The following CCDC77 variants were observed in gnomAD, a reference collection of about 807,000 sequenced individuals.
The protein encoded by CCDC77 is coiled-coil domain-containing protein 77.
A neutral mutation model predicts 66.8 loss-of-function variants in CCDC77; 56 were observed. The ratio of observed to expected loss-of-function variants is 0.84; its 90% CI spans 0.68 to 1.05. The LOEUF is 1.05. CCDC77 is among the 50% of genes least tolerant of loss of function. CCDC77 has a pLI of 0.00. For synonymous variants in CCDC77, 196 were observed against 195.2 expected (o/e 1.00, Z -0.03); for missense variants, 570 against 576.8 (o/e 0.99, Z 0.12).
At chr12:419,425 C>T (rs977491300) in intron 5 of CCDC77, among the ~76,000 whole-genome samples, 1 of 151,294 alleles carries the variant, frequency 6.6e-6, no homozygotes, top group African/African-American at 2.4e-5. Context: ...CATTACAGTG[C>T]TCTTCTGTGT....
chr12:423,508 T>TTG (rs1945473348), intron 5 of CCDC77, among the ~76,000 whole-genome samples: 1 of 115,444 alleles, frequency 8.7e-6, no homozygotes, highest in African/African-American at 3.5e-5. Flanking sequence ...TTTTTTTTTT[T>TTG]TTTTTGAGAC....
rs1267079140 is a variant in CCDC77, at chr12:430,598, A to G, written c.511-66A>G. 1.7e-5 allele frequency: 20 copies of G among 1,174,178 alleles called. No homozygotes were observed. In the East Asian group the frequency reaches 4.4e-4, roughly 26 times the overall value. 72.7% of individuals were successfully genotyped at this position (1,174,178 alleles called of 1,614,324 possible). A position where few individuals can be genotyped will look rare whatever the true frequency, so the allele number is the denominator to read the frequency against. ...CTTCTAGTGTTCAATCTGCAGAACT[A>G]AGGCTGAAAAGTAAAATATTACGTT... On this transcript the variant is annotated intron_variant, in intron 6 of 12. Coordinates refer to ENST00000239830, the MANE Select transcript of CCDC77 (RefSeq NM_032358.4).
chr12:426,452 T>G (rs1945534494), intron 5 of CCDC77, among the ~76,000 whole-genome samples: 1 of 152,204 alleles, frequency 6.6e-6, no homozygotes, highest in Non-Finnish European at 1.5e-5. Context: ...TGGGTCATAC[T>G]GAGGAATGAA....
intron 3 of CCDC77, chr12:409,704 A>T: frequency 3.1e-6 from 1 of 319,424 alleles, no homozygotes; most frequent in Non-Finnish European, 5.8e-6. Context: ...TTTAGAAAAT[A>T]TGAAATGTTG....
chr12:439,519 C>CAA (rs371144805), intron 10 of CCDC77, among the ~76,000 whole-genome samples: 12 of 138,094 alleles, frequency 8.7e-5, no homozygotes, highest in South Asian at 2.4e-4. Flanking sequence ...GACTCCATCT[C>CAA]AAAAAAAAAA....
chr12:407,054 C>A (rs374732716), intron 2 of CCDC77, among the ~76,000 whole-genome samples: 1 of 152,208 alleles, frequency 6.6e-6, no homozygotes, highest in Non-Finnish European at 1.5e-5. Flanking sequence ...TGCCTATAAT[C>A]CTATTACTTG....
intron 4 of CCDC77, among the ~76,000 whole-genome samples, chr12:414,648 A>G (rs1170324705): frequency 6.6e-6 from 1 of 151,820 alleles, no homozygotes; most frequent in Non-Finnish European, 1.5e-5. Flanking sequence ...TACTGCCACC[A>G]TTTCGCCTTC....
intron 9 of CCDC77, 76 bp downstream of exon 9, chr12:433,398 GAAC>G: frequency 6.4e-7 from 1 of 1,564,122 alleles, no homozygotes; most frequent in Non-Finnish European, 8.7e-7. Flanking sequence ...TTTTGTACTT[GAAC>G]AACAGCGGGT....
At position 430,711 on chromosome 12, in the gene CCDC77, G is replaced by A. The variant is rs1308875906; in HGVS notation, c.558G>A (p.Gln186=). The A allele has an allele frequency of 6.2e-7, 1 of 1,613,838 alleles. No homozygotes were observed. Among genetic ancestry groups the A allele is most frequent in the South Asian group, 1.1e-5 (1 of 91,078 alleles). Residue 186 remains glutamine, a synonymous_variant, in exon 7 of 13, where the codon CAG becomes CAA. Transcript: ENST00000239830. ...TCCAGGCTGTAGGTGAATGTGAGCAGAGTGAATCTTCAGCTTTCAAAGCAG... is the reference window on the plus strand; with the variant it reads ...TCCAGGCTGTAGGTGAATGTGAGCAAAGTGAATCTTCAGCTTTCAAAGCAG... ...KTIQAVGECE[Q]SESSAFKADP...
At chr12:437,171 C>G (rs973011761) in intron 9 of CCDC77, among the ~76,000 whole-genome samples, 1 of 152,158 alleles carries the variant, frequency 6.6e-6, no homozygotes, top group Non-Finnish European at 1.5e-5. Context: ...CCAGATCATT[C>G]AGTATAGCAT....
chr12:418,946 A>G, intron 5 of CCDC77: 2 of 266,960 alleles, frequency 7.5e-6, no homozygotes, highest in African/African-American at 2.2e-5. Context: ...TGATCCGCCC[A>G]CCTCAGCCTC....
Position 428,707 on chromosome 12 carries a change from A to G in CCDC77, c.414-62A>G, listed in dbSNP as rs1945584299. On this transcript the variant is annotated intron_variant, in intron 5 of 12. Transcript: ENST00000239830. ...AAAATAGAAGGGAGATCCTTTAAACAGAAAAAGGTTACTTACTTGGGACAT... is the reference window on the plus strand; with the variant it reads ...AAAATAGAAGGGAGATCCTTTAAACGGAAAAAGGTTACTTACTTGGGACAT... 19 of 1,129,782 alleles carry G rather than the reference A, an allele frequency of 1.7e-5. No individual in the cohort carries two copies. In the South Asian group the frequency reaches 2.6e-4, roughly 16 times the overall value. The allele number at this position is 1,129,782 out of a possible 1,614,324, so 70.0% of individuals were successfully genotyped here. A position where few individuals can be genotyped will look rare whatever the true frequency, so the allele number is the denominator to read the frequency against.
intron 2 of CCDC77, among the ~76,000 whole-genome samples, chr12:408,985 C>T (rs1945050342): frequency 6.6e-6 from 1 of 152,064 alleles, no homozygotes; most frequent in South Asian, 2.1e-4. Flanking sequence ...GCAGGTGGAT[C>T]ACAAGGTCAG....
chr12:415,424 C>CATA (rs1290580468), intron 4 of CCDC77, among the ~76,000 whole-genome samples: 1 of 140,584 alleles, frequency 7.1e-6, no homozygotes, highest in Admixed American at 7.5e-5. Flanking sequence ...ATATTATTAA[C>CATA]ATAATTAACA....
intron 2 of CCDC77, among the ~76,000 whole-genome samples, chr12:405,931 T>A (rs1044923720): frequency 6.6e-6 from 1 of 151,612 alleles, no homozygotes; most frequent in African/African-American, 2.4e-5. Flanking sequence ...TTTTTTTTTT[T>A]TTTTTAAGAG....
rs1486348817 is a variant in CCDC77 at position 395,341 on chromosome 12, G to A, written c.-113+5855G>A. The A allele has an allele frequency of 2.6e-5, 4 of 152,202 alleles. No homozygotes were observed. The East Asian group carries it at 7.7e-4, about 29-fold the overall frequency. The allele number at this position is 152,202 out of a possible 1,614,324, so 9.4% of individuals were successfully genotyped here. On this transcript the variant is annotated intron_variant, in intron 1 of 11. Coordinates refer to the CCDC77 transcript ENST00000422000. ...TAAGCTCAAGCAATCCTATTGCCTT[G>A]GCCTCCCGAAGTGCTGGAATTACAG... is the stretch of plus-strand genomic sequence containing the variant.
intron 10 of CCDC77, among the ~76,000 whole-genome samples, chr12:440,032 A>G (rs1278085377): frequency 6.6e-6 from 1 of 152,188 alleles, no homozygotes; most frequent in East Asian, 1.9e-4. Flanking sequence ...GTTCAAGGAA[A>G]TGGAAGGCTG....
intron 1 of CCDC77, among the ~76,000 whole-genome samples, chr12:391,470 T>A (rs111547728): frequency 5.4e-4 from 82 of 151,726 alleles, no homozygotes; most frequent in African/African-American, 2.0e-3. Context: ...AAAAAAAAAA[T>A]TTACAACAAA....
Position 409,396 on chromosome 12 carries a change from C to G in CCDC77, c.13C>G (p.Pro5Ala). 2 of 1,613,242 alleles carry G rather than the reference C, an allele frequency of 1.2e-6. No homozygotes were observed. Among genetic ancestry groups the G allele is most frequent in the Non-Finnish European group, 1.7e-6 (2 of 1,179,820 alleles). The change falls in exon 3 of 13, where the codon CCA (proline) becomes GCA (alanine). Residue 5 changes from proline to alanine, a missense_variant. Coordinates refer to ENST00000239830, the MANE Select transcript of CCDC77 (RefSeq NM_032358.4). MNFT[P>A]THTPVCRKRT... is the part of the protein sequence containing the mutation. The stretch of plus-strand genomic sequence containing the variant: ...TGAAAAAGACAGCATGAACTTTACC[C>G]CAACACACACCCCTGTCTGCAGAAA...
Sources: allele counts gnomAD v4.1 joint callset (sites outside exome capture counted in the v4.1 genomes callset), GRCh38; gene constraint gnomAD v4.1.1; transcripts MANE v1.5; gene names NCBI Gene and HGNC (gene_info 2026-07-23, HGNC 2026-07-21).